The following RAPGEF1 variants were observed in gnomAD, a reference collection of about 807,000 sequenced individuals.
The protein encoded by RAPGEF1 is Rap guanine nucleotide exchange factor 1, also known as CRK SH3-binding GNRP.
Under a neutral mutation model 143.3 loss-of-function variants are expected in RAPGEF1, and 33 were observed. The ratio of observed to expected loss-of-function variants is 0.23; its 90% CI spans 0.17 to 0.31. The LOEUF is 0.31. RAPGEF1 is among the 10% of genes least tolerant of loss of function. The pLI is 1.00. For missense variants in RAPGEF1, 1,199 were observed against 1,645.4 expected, an observed-to-expected ratio of 0.73 and a Z score of 4.69; for synonymous variants, 629 against 676.5, an observed-to-expected ratio of 0.93 and a Z score of 1.09.
chr9:131,660,130 T>C (rs1973632346), intron 1 of RAPGEF1, among the ~76,000 whole-genome samples: 1 of 152,226 alleles, frequency 6.6e-6, no homozygotes, highest in African/African-American at 2.4e-5. Flanking sequence ...GAGTTATATT[T>C]TTCTAACAAC....
Position 131,643,220 on chromosome 9 carries a change from A to G in RAPGEF1, c.494+19T>C, listed in dbSNP as rs78696920. On this transcript the variant is annotated intron_variant, in intron 4 of 26. Coordinates refer to ENST00000683357, the MANE Select transcript of RAPGEF1 (RefSeq NM_001377935.1). ...GCTTCCATTGTTCTGACACAGCCAA[A>G]GACTTCAGAGCCACTCACCTGTGCT... 34,014 of 1,596,482 alleles carry G rather than the reference A, an allele frequency of 0.021. 426 individuals carry two copies. Among genetic ancestry groups the G allele is most frequent in the Non-Finnish European group, 0.023 (26,943 of 1,173,090 alleles).
At chr9:131,670,471 A>C (rs1254244274) in intron 1 of RAPGEF1, among the ~76,000 whole-genome samples, 4 of 152,182 alleles carry the variant, frequency 2.6e-5, no homozygotes, top group African/African-American at 9.7e-5. Context: ...GTGTGTTCAC[A>C]ACCTTGATCA....
intron 1 of RAPGEF1, among the ~76,000 whole-genome samples, chr9:131,659,037 A>T (rs1973283160): frequency 1.3e-5 from 2 of 152,226 alleles, no homozygotes; most frequent in South Asian, 4.1e-4. Context: ...GCCAATCTTG[A>T]GAAACGCTGT....
intron 1 of RAPGEF1, among the ~76,000 whole-genome samples, chr9:131,695,113 T>C (rs1456603591): frequency 7.2e-5 from 11 of 152,078 alleles, no homozygotes; most frequent in Non-Finnish European, 4.4e-5. Flanking sequence ...AGGATATCTG[T>C]AACCCAAGTG....
chr9:131,591,576 C>A (rs1210958324), intron 18 of RAPGEF1, among the ~76,000 whole-genome samples: 1 of 151,826 alleles, frequency 6.6e-6, no homozygotes, highest in Non-Finnish European at 1.5e-5. Context: ...GATCTGGGGA[C>A]AGGAGCCCAT....
intron 1 of RAPGEF1, among the ~76,000 whole-genome samples, chr9:131,737,746 C>T (rs966866679): frequency 2.0e-5 from 3 of 152,022 alleles, no homozygotes; most frequent in Admixed American, 6.6e-5. Context: ...GGGCGGATCA[C>T]GAGGTCAGGA....
At chr9:131,695,346 G>A (rs1200113028) in intron 1 of RAPGEF1, among the ~76,000 whole-genome samples, 1 of 152,166 alleles carries the variant, frequency 6.6e-6, no homozygotes, top group African/African-American at 2.4e-5. Flanking sequence ...GACCCGGCTT[G>A]TCTTCCCAAA....
At chr9:131,615,557 C>CT (rs1347636524) in intron 12 of RAPGEF1, among the ~76,000 whole-genome samples, 1 of 152,164 alleles carries the variant, frequency 6.6e-6, no homozygotes, top group East Asian at 1.9e-4. Flanking sequence ...CAGTCGAGTC[C>CT]AGGCCCGGCA....
At chr9:131,705,270 A>G (rs1342032850) in intron 1 of RAPGEF1, among the ~76,000 whole-genome samples, 5 of 152,242 alleles carry the variant, frequency 3.3e-5, no homozygotes. Flanking sequence ...CAGAGGGCAC[A>G]TGTGCCAGGC....
At chr9:131,736,588 C>T (rs1837430057) in intron 1 of RAPGEF1, among the ~76,000 whole-genome samples, 1 of 152,192 alleles carries the variant, frequency 6.6e-6, no homozygotes, top group South Asian at 2.1e-4. Context: ...CAAAAGATCT[C>T]CCCCAGGGGT....
intron 1 of RAPGEF1, among the ~76,000 whole-genome samples, chr9:131,729,279 G>A (rs763775555): frequency 8.1e-5 from 10 of 123,288 alleles, no homozygotes; most frequent in Non-Finnish European, 1.1e-4. Flanking sequence ...GGGCACTGAC[G>A]CCTCAGCCCT....
intron 16 of RAPGEF1, among the ~76,000 whole-genome samples, chr9:131,597,874 C>T (rs768473608): frequency 2.0e-5 from 3 of 152,132 alleles, no homozygotes; most frequent in East Asian, 3.8e-4. Context: ...TAGTGAGGGC[C>T]GGCCACATGC....
At chr9:131,585,959 C>G (rs1175913348) in intron 22 of RAPGEF1, among the ~76,000 whole-genome samples, 3 of 152,080 alleles carry the variant, frequency 2.0e-5, no homozygotes, top group Non-Finnish European at 4.4e-5. Flanking sequence ...GTGGGTGGAT[C>G]ACGAGGCCAG....
At chr9:131,608,518 G>A (rs985708711) in intron 12 of RAPGEF1, among the ~76,000 whole-genome samples, 7 of 152,282 alleles carry the variant, frequency 4.6e-5, no homozygotes, top group Middle Eastern at 6.8e-3. Context: ...GAAATGACCA[G>A]GGGTGTGGGC....
intron 20 of RAPGEF1, among the ~76,000 whole-genome samples, chr9:131,588,322 G>A (rs923106093): frequency 1.3e-5 from 2 of 152,238 alleles, no homozygotes; most frequent in South Asian, 4.1e-4. Context: ...ATGCCAAGAA[G>A]GCTCGCTCAC....
chr9:131,720,297 C>A (rs1278658141), intron 1 of RAPGEF1, among the ~76,000 whole-genome samples: 1 of 152,190 alleles, frequency 6.6e-6, no homozygotes, highest in African/African-American at 2.4e-5. Flanking sequence ...CACAGAAATT[C>A]TTTGTTACGT....
At chr9:131,581,608 G>A (rs753659034) in intron 25 of RAPGEF1, among the ~76,000 whole-genome samples, 13 of 151,986 alleles carry the variant, frequency 8.6e-5, no homozygotes, top group Non-Finnish European at 1.3e-4. Flanking sequence ...AGGCTGAGGT[G>A]GGAGAACTGC....
intron 1 of RAPGEF1, among the ~76,000 whole-genome samples, chr9:131,680,193 T>C (rs1479614472): frequency 1.3e-5 from 2 of 152,246 alleles, no homozygotes; most frequent in East Asian, 1.9e-4. Context: ...GTTAGTTATA[T>C]TGGGGTTCAA....
chr9:131,714,886 AT>A (rs1334088091), intron 1 of RAPGEF1, among the ~76,000 whole-genome samples: 2 of 151,918 alleles, frequency 1.3e-5, no homozygotes, highest in Non-Finnish European at 2.9e-5. Flanking sequence ...TAGTAAAATT[AT>A]TTTTTGTAGA....
Sources: gnomAD v4.1 joint callset for allele counts (sites outside exome capture counted in the v4.1 genomes callset) on GRCh38, gnomAD v4.1.1 for gene constraint, MANE v1.5 for transcripts, NCBI Gene and HGNC (gene_info 2026-07-23, HGNC 2026-07-21) for gene names.